Variants in RBFOX1 observed in about 807,000 individuals in gnomAD.
RBFOX1 encodes the protein RNA binding fox-1 homolog 1.
A neutral mutation model predicts 57.7 loss-of-function variants in RBFOX1; 8 were observed. That is an observed-to-expected ratio of 0.14 (90% CI 0.08 to 0.25). RBFOX1 has a LOEUF of 0.25. Ranked by LOEUF, RBFOX1 falls within the 10% of genes least tolerant of loss-of-function variation. RBFOX1 has a pLI of 1.00. For synonymous variants in RBFOX1, 326 were observed against 222.4 expected, an observed-to-expected ratio of 1.47 and a Z score of -4.15; for missense variants, 611 against 548.5, an observed-to-expected ratio of 1.11 and a Z score of -1.14.
intron 10 of RBFOX1, among the ~76,000 whole-genome samples, chr16:7,618,702 C>T (rs1046640562): frequency 3.9e-5 from 6 of 152,106 alleles, no homozygotes; most frequent in African/African-American, 9.7e-5. Context: ...GTTTAATACC[C>T]TTTCTGTTAA....
chr16:5,376,744 C>T (rs1484068936), intron 1 of RBFOX1, among the ~76,000 whole-genome samples: 1 of 147,344 alleles, frequency 6.8e-6, no homozygotes, highest in Non-Finnish European at 1.5e-5. Context: ...TGGCAGCACC[C>T]ATGACTGTCT....
At chr16:6,351,502 C>T (rs1222640784) in intron 2 of RBFOX1, among the ~76,000 whole-genome samples, 3 of 151,128 alleles carry the variant, frequency 2.0e-5, no homozygotes, top group African/African-American at 7.3e-5. Context: ...GCCTCCCAAG[C>T]AGCTGGGACT....
At chr16:6,901,139 G>T (rs2068378834) in intron 3 of RBFOX1, among the ~76,000 whole-genome samples, 1 of 152,110 alleles carries the variant, frequency 6.6e-6, no homozygotes, top group Non-Finnish European at 1.5e-5. Context: ...TTTCCTGTTA[G>T]ACTGTCTCTT....
At chr16:7,655,565 C>T (rs1212564491) in intron 12 of RBFOX1, among the ~76,000 whole-genome samples, 3 of 152,124 alleles carry the variant, frequency 2.0e-5, no homozygotes, top group African/African-American at 7.2e-5. Flanking sequence ...TTTTATGGAT[C>T]CAGAAATGTA....
At chr16:7,350,502 T>A (rs1339276203) in intron 4 of RBFOX1, among the ~76,000 whole-genome samples, 1 of 152,116 alleles carries the variant, frequency 6.6e-6, no homozygotes, top group East Asian at 1.9e-4. Flanking sequence ...CCTGCAGAAT[T>A]TCAAGTAGGA....
At chr16:6,483,926 GA>G in intron 2 of RBFOX1, 1 of 1,079,802 alleles carries the variant, frequency 9.3e-7, no homozygotes, top group Non-Finnish European at 1.1e-6. Context: ...TATGTAAGCC[GA>G]GCTCCAGCTC....
At chr16:6,597,595 C>T (rs12709153) in intron 2 of RBFOX1, among the ~76,000 whole-genome samples, 83,261 of 151,800 alleles carry the variant, frequency 0.55, 23,224 homozygotes, top group East Asian at 0.75. Flanking sequence ...ATGGCGTGAA[C>T]CCGGGAGGTG....
intron 2 of RBFOX1, among the ~76,000 whole-genome samples, chr16:6,640,492 C>G (rs2098478281): frequency 6.6e-6 from 1 of 152,032 alleles, no homozygotes; most frequent in African/African-American, 2.4e-5. Context: ...CCTGTAATCC[C>G]AGGTACTTGG....
chr16:7,653,669 C>A (rs908719359), intron 11 of RBFOX1, 146 bp from the exon 12 acceptor site: 1 of 1,227,382 alleles, frequency 8.1e-7, no homozygotes, highest in South Asian at 1.5e-5. Context: ...CTGCTCTCTG[C>A]TTTTTAACCT....
chr16:7,654,016 T>C, intron 12 of RBFOX1, 69 bp downstream of exon 12: 1 of 1,426,070 alleles, frequency 7.0e-7, no homozygotes, highest in Non-Finnish European at 9.1e-7. Flanking sequence ...ACGGAGCTGT[T>C]TGCGAGCGCA....
At chr16:7,116,827 A>T (rs1014710631) in intron 4 of RBFOX1, among the ~76,000 whole-genome samples, 1 of 152,138 alleles carries the variant, frequency 6.6e-6, no homozygotes, top group Non-Finnish European at 1.5e-5. Context: ...CACACACAGG[A>T]CACAGACCAT....
chr16:7,110,027 C>A (rs927250537), intron 4 of RBFOX1, among the ~76,000 whole-genome samples: 1 of 151,948 alleles, frequency 6.6e-6, no homozygotes, highest in Non-Finnish European at 1.5e-5. Context: ...AGTTATAATT[C>A]ACCTGTTTAT....
At chr16:7,631,627 G>C (rs928178883) in intron 11 of RBFOX1, among the ~76,000 whole-genome samples, 2 of 152,130 alleles carry the variant, frequency 1.3e-5, no homozygotes, top group Admixed American at 1.3e-4. Context: ...GTGAGTCTGG[G>C]TGCCTGGAGT....
At chr16:6,677,103 C>T (rs981279501) in intron 3 of RBFOX1, among the ~76,000 whole-genome samples, 11 of 152,208 alleles carry the variant, frequency 7.2e-5, no homozygotes, top group African/African-American at 2.7e-4. Flanking sequence ...TTCATTTAAT[C>T]TGCCTATTTA....
chr16:6,314,344 C>G (rs1370188378), intron 1 of RBFOX1, among the ~76,000 whole-genome samples: 1 of 151,960 alleles, frequency 6.6e-6, no homozygotes, highest in Admixed American at 6.5e-5. Flanking sequence ...TAGGCCAAGT[C>G]CACAAAAAGT....
chr16:5,750,518 G>T (rs183481510), intron 3 of RBFOX1, among the ~76,000 whole-genome samples: 160 of 152,360 alleles, frequency 1.1e-3, no homozygotes, highest in Admixed American at 2.2e-3. Flanking sequence ...GCTCCACACA[G>T]TTGGAGCTTC....
rs2081367990 is a variant in RBFOX1, at chr16:6,783,430, C to T, written c.-16+128780C>T. Reference sequence around the variant, plus strand: ...TTAAAGGTTTTTGCTTTGTAGTTACCATGAAGCTTGCAAAAAAAAAAAAAA... The same window carrying T: ...TTAAAGGTTTTTGCTTTGTAGTTACTATGAAGCTTGCAAAAAAAAAAAAAA... On this transcript the variant is annotated intron_variant, in intron 3 of 15. Transcript: ENST00000550418. Among the ~76,000 whole-genome samples, 4 of 122,258 alleles carry T rather than the reference C, an allele frequency of 3.3e-5. No individual in the cohort carries two copies. The South Asian group carries it at 7.9e-4, about 24-fold the overall frequency. 80.2% of individuals were successfully genotyped at this position (122,258 alleles called of 152,430 possible).
At chr16:5,856,200 T>TAC (rs1248174873) in intron 3 of RBFOX1, among the ~76,000 whole-genome samples, 9 of 45,336 alleles carry the variant, frequency 2.0e-4, no homozygotes, top group Non-Finnish European at 4.0e-4. Flanking sequence ...TATATATATA[T>TAC]ATATATACAT....
intron 3 of RBFOX1, among the ~76,000 whole-genome samples, chr16:6,993,061 C>T (rs769779474): frequency 6.6e-6 from 1 of 152,162 alleles, no homozygotes; most frequent in Non-Finnish European, 1.5e-5. Flanking sequence ...GCCTGGTCCT[C>T]ACAGTCATTC....
Sources: allele counts gnomAD v4.1 joint callset (sites outside exome capture counted in the v4.1 genomes callset), GRCh38; gene constraint gnomAD v4.1.1; transcripts MANE v1.5; gene names NCBI Gene and HGNC (gene_info 2026-07-23, HGNC 2026-07-21).